Variants in PDCD1 observed in about 807,000 individuals in gnomAD.
The protein encoded by PDCD1 is programmed cell death 1.
In PDCD1, 10 loss-of-function variants were observed where a neutral mutation model predicts 23.6. That is an observed-to-expected ratio of 0.42 (90% CI 0.26 to 0.72). PDCD1 has a LOEUF of 0.72. PDCD1 is among the 30% of genes least tolerant of loss of function. PDCD1 has a pLI of 0.24. For missense variants in PDCD1, 313 were observed against 397.8 expected, an observed-to-expected ratio of 0.79 and a Z score of 1.81; for synonymous variants, 168 against 169.3, an observed-to-expected ratio of 0.99 and a Z score of 0.06.
At position 241,852,310 on chromosome 2, in the gene PDCD1, G is replaced by A; in HGVS notation, c.480C>T (p.Pro160=). ...EVPTAHPSPS[P]RPAGQFQTLV... ...GGGTTTGGAACTGGCCGGCTGGCCT[G>A]GGTGAGGGGCTGGGGTGGGCTGTGG... The change falls in exon 3 of 5, where the codon CCC becomes CCT. Residue 160 remains proline (P), a synonymous_variant. Transcript: ENST00000334409. 1 of 1,610,960 alleles carries A rather than the reference G, an allele frequency of 6.2e-7. No homozygotes were observed. The highest frequency in any genetic ancestry group is 8.5e-7 in the Non-Finnish European group (1 of 1,178,766).
At chr2:241,851,776 C>A (rs1337472110) in intron 4 of PDCD1, among the ~76,000 whole-genome samples, 173 bp downstream of exon 4, 1 of 152,056 alleles carries the variant, frequency 6.6e-6, no homozygotes, top group African/African-American at 2.4e-5. Context: ...TGGGCTGGGG[C>A]CCCAGATCAT....
Position 241,851,025 on chromosome 2 carries a change from G to C in PDCD1, c.*33C>G. The C allele has an allele frequency of 6.3e-7, 1 of 1,592,190 alleles. No individual in the cohort carries two copies. Among genetic ancestry groups the C allele is most frequent in the South Asian group, 1.1e-5 (1 of 87,988 alleles). On this transcript the variant is annotated 3_prime_UTR_variant, in exon 5 of 5. Transcript: ENST00000334409. ...GCGCTGACCCGGGCTCATGGTGGAG[G>C]GTCTGCAGAACACTGGTGGCCAAGG...
intron 1 of PDCD1, among the ~76,000 whole-genome samples, chr2:241,854,973 C>T (rs965057174): frequency 5.9e-5 from 9 of 152,234 alleles, no homozygotes; most frequent in African/African-American, 2.2e-4. Context: ...GGAAACTTAG[C>T]TGCTATTTAT....
intron 1 of PDCD1, among the ~76,000 whole-genome samples, chr2:241,853,418 G>A (rs756359194): frequency 2.0e-5 from 3 of 152,286 alleles, no homozygotes; most frequent in Non-Finnish European, 2.9e-5. Flanking sequence ...AGCCCTGGGA[G>A]GAGTGTGGCC....
intron 1 of PDCD1, among the ~76,000 whole-genome samples, chr2:241,855,598 G>A (rs1297550679): frequency 6.6e-6 from 1 of 152,174 alleles, no homozygotes; most frequent in Non-Finnish European, 1.5e-5. Flanking sequence ...CTGTGGAACA[G>A]GCCTGTGAGG....
At position 241,850,950 on chromosome 2, in the gene PDCD1, C is replaced by T. The variant is rs1700885453; in HGVS notation, c.*108G>A. The T allele has an allele frequency of 2.8e-6, 4 of 1,427,134 alleles. No individual in the cohort carries two copies. Among genetic ancestry groups the T allele is most frequent in the Non-Finnish European group, 3.8e-6 (4 of 1,065,862 alleles). 88.4% of individuals were successfully genotyped at this position (1,427,134 alleles called of 1,614,324 possible). ...CCGGTCGCCCCCAGGCAGCTCAGCCCCTGGACGGCCTGCAATGGCCTGCAC... is the reference window on the plus strand; with the variant it reads ...CCGGTCGCCCCCAGGCAGCTCAGCCTCTGGACGGCCTGCAATGGCCTGCAC... On this transcript the variant is annotated 3_prime_UTR_variant, in exon 5 of 5. Transcript: ENST00000334409.
At position 241,858,708 on chromosome 2, in the gene PDCD1, G is replaced by A. The variant is rs1307791510; in HGVS notation, c.76+55C>T. 6 of 1,448,080 alleles carry A rather than the reference G, an allele frequency of 4.1e-6. No individual in the cohort carries two copies. The East Asian group carries it at 1.5e-4, about 36-fold the overall frequency. 89.7% of individuals were successfully genotyped at this position (1,448,080 alleles called of 1,614,324 possible). On this transcript the variant is annotated intron_variant, in intron 1 of 4. Coordinates refer to ENST00000334409, the MANE Select transcript of PDCD1 (RefSeq NM_005018.3). The stretch of plus-strand genomic sequence containing the variant: ...CCCCGACCTGCCAGGGACTGAGGGT[G>A]GAAGGTCCCTCCAGACCCCTGGCTC...
chr2:241,852,082 C>T lies in PDCD1; in HGVS notation c.593-99G>A, dbSNP rs528113994. On this transcript the variant is annotated intron_variant, in intron 3 of 4. Coordinates refer to ENST00000334409, the MANE Select transcript of PDCD1 (RefSeq NM_005018.3). ...GGCCTTCATCAGGGACTTAGCCTGG[C>T]GGGGAGATGGGGGGAGGTGGGGTGG... 472 of 254,926 alleles carry T rather than the reference C, an allele frequency of 1.9e-3. 1 individual carries two copies. The African/African-American group carries it at 0.052, about 28-fold the overall frequency. The allele number at this position is 254,926 out of a possible 1,614,324, so 15.8% of individuals were successfully genotyped here. A position where few individuals can be genotyped will look rare whatever the true frequency, so the allele number is the denominator to read the frequency against.
At chr2:241,851,659 G>C (rs1005533995) in intron 4 of PDCD1, among the ~76,000 whole-genome samples, 4 of 151,152 alleles carry the variant, frequency 2.6e-5, no homozygotes, top group African/African-American at 4.9e-5. Context: ...GCACATATGT[G>C]GGCCGGGCAC....
rs770020786 is a variant in PDCD1, at chr2:241,852,212, G to A, written c.578C>T (p.Ser193Phe). 5.0e-6 allele frequency: 8 copies of A among 1,610,066 alleles called. No individual in the cohort carries two copies. The highest frequency in any genetic ancestry group is 4.0e-5 in the African/African-American group (3 of 74,870). ...LLVWVLAVICSRAARGTIGAR... is the reference protein window; with the variant it reads ...LLVWVLAVICFRAARGTIGAR... ...GATGACGTTACCTCGTGCGGCCCGG[G>A]AGCAGATGACGGCCAGGACCCAGAC... The change falls in exon 3 of 5, where the codon TCC (serine) becomes TTC (phenylalanine). Residue 193 changes from serine (S) to phenylalanine (F), a missense_variant. Physicochemically the swap from Ser to Phe is radical, Grantham distance 155 (BLOSUM62 -2). Transcript: ENST00000334409.
intron 1 of PDCD1, among the ~76,000 whole-genome samples, chr2:241,857,468 C>T (rs926202701): frequency 2.6e-5 from 4 of 152,304 alleles, no homozygotes; most frequent in Non-Finnish European, 4.4e-5. Context: ...GGGAGAGGCT[C>T]GGCTCCCCTC....
In PDCD1 at chr2:241,850,774, C is replaced by T. The variant is rs111422100; in HGVS notation, c.*284G>A. ...CAGCAGAGATTCAGGGAGCTGGACG[C>T]AGGCAGCTCTGTGCTGGCAGGACCT... On this transcript the variant is annotated 3_prime_UTR_variant, in exon 5 of 5. Coordinates refer to ENST00000334409, the MANE Select transcript of PDCD1 (RefSeq NM_005018.3). The T allele has an allele frequency of 1.1e-5, 7 of 646,146 alleles. No homozygotes were observed. Among genetic ancestry groups the T allele is most frequent in the African/African-American group, 3.6e-5 (2 of 56,116 alleles). 40.0% of individuals were successfully genotyped at this position (646,146 alleles called of 1,614,324 possible).
rs748162779 is a variant in PDCD1, at chr2:241,852,703, G to A, written c.354C>T (p.Ser118=). Residue 118 remains serine, a synonymous_variant, in exon 2 of 5, where the codon AGC becomes AGT. Coordinates refer to ENST00000334409, the MANE Select transcript of PDCD1 (RefSeq NM_005018.3). The stretch of plus-strand genomic sequence containing the variant: ...AGATGGCCCCACAGAGGTAGGTGCC[G>A]CTGTCATTGCGCCGGGCCCTGACCA... ...MSVVRARRND[S]GTYLCGAISL... 42 of 1,613,450 alleles carry A rather than the reference G, an allele frequency of 2.6e-5. 1 individual carries two copies. The East Asian group carries it at 3.8e-4, about 15-fold the overall frequency.
At chr2:241,857,666 C>T (rs1178434661) in intron 1 of PDCD1, among the ~76,000 whole-genome samples, 1 of 152,246 alleles carries the variant, frequency 6.6e-6, no homozygotes, top group Non-Finnish European at 1.5e-5. Context: ...AGGCACGGCC[C>T]TGACAAGGAT....
At chr2:241,851,802 G>A (rs1700908699) in intron 4 of PDCD1, 147 bp downstream of exon 4, 3 of 841,254 alleles carry the variant, frequency 3.6e-6, no homozygotes, top group Non-Finnish European at 6.0e-6. Context: ...TAGGGATTGA[G>A]GTTGCTGCCT....
intron 1 of PDCD1, among the ~76,000 whole-genome samples, chr2:241,855,723 C>T (rs944389040): frequency 1.5e-4 from 23 of 152,202 alleles, no homozygotes; most frequent in African/African-American, 5.5e-4. Context: ...AGACCAGACC[C>T]GGCATCTCTG....
Position 241,851,187 on chromosome 2 carries a change from C to T in PDCD1, c.738G>A (p.Thr246=), listed in dbSNP as rs765660934. 22 of 1,613,674 alleles carry T rather than the reference C, an allele frequency of 1.4e-5. No homozygotes were observed. Among genetic ancestry groups the T allele is most frequent in the Non-Finnish European group, 1.8e-5 (21 of 1,179,982 alleles). ...TAGGAAAGACAATGGTGGCATACTC[C>T]GTCTGCTCAGGGACACAGGGCACGG... is the stretch of plus-strand genomic sequence containing the variant. ...EPPVPCVPEQ[T]EYATIVFPSG... Residue 246 remains threonine (T), a synonymous_variant, in exon 5 of 5, where the codon ACG becomes ACA. Transcript: ENST00000334409.
At chr2:241,857,644 G>A (rs940351890) in intron 1 of PDCD1, among the ~76,000 whole-genome samples, 1 of 152,234 alleles carries the variant, frequency 6.6e-6, no homozygotes, top group African/African-American at 2.4e-5. Context: ...AAGAGGTGGC[G>A]CTGAGGCAGG....
intron 1 of PDCD1, among the ~76,000 whole-genome samples, chr2:241,855,695 G>A (rs74000560): frequency 0.031 from 4,744 of 152,266 alleles, 246 homozygotes; most frequent in African/African-American, 0.11. Flanking sequence ...TGCCCCGGGC[G>A]GAGGAACCTG....
Sources: allele counts gnomAD v4.1 joint callset (sites outside exome capture counted in the v4.1 genomes callset), GRCh38; gene constraint gnomAD v4.1.1; transcripts MANE v1.5; gene names NCBI Gene and HGNC (gene_info 2026-07-23, HGNC 2026-07-21).